SMOC2: variants seen among roughly 807,000 people sequenced by gnomAD.
The protein encoded by SMOC2 is SPARC related modular calcium binding 2.
Under a neutral mutation model 61.4 loss-of-function variants are expected in SMOC2, and 39 were observed. That is an observed-to-expected ratio of 0.64 (90% CI 0.49 to 0.83). SMOC2 has a LOEUF of 0.83. Ranked by LOEUF, SMOC2 falls within the 40% of genes least tolerant of loss-of-function variation. SMOC2 has a pLI of 0.00. For synonymous variants in SMOC2, 247 were observed against 239.9 expected, an observed-to-expected ratio of 1.03 and a Z score of -0.27; for missense variants, 556 against 592.9, an observed-to-expected ratio of 0.94 and a Z score of 0.65.
At position 168,553,763 on chromosome 6, in the gene SMOC2, G is replaced by A. The variant is rs563290380; in HGVS notation, c.637+4560G>A. 5.3e-5 allele frequency among the ~76,000 whole-genome samples: 8 copies of A among 152,342 alleles called. No individual in the cohort carries two copies. Among genetic ancestry groups the A allele is most frequent in the South Asian group, 2.1e-4 (1 of 4,830 alleles). On this transcript the variant is annotated intron_variant, in intron 7 of 12. Transcript: ENST00000356284. This position sits in a 1 kb window ranked among gnomAD's most constrained non-coding sequence, Gnocchi z 4.2. ...GCTCACGGGACGGTTTCTGTATCACGGTTGCCATTTGCCACCATTTGCCAT... is the reference window on the plus strand; with the variant it reads ...GCTCACGGGACGGTTTCTGTATCACAGTTGCCATTTGCCACCATTTGCCAT...
At chr6:168,661,146 A>T (rs771708849) in intron 11 of SMOC2, among the ~76,000 whole-genome samples, 1 of 151,950 alleles carries the variant, frequency 6.6e-6, no homozygotes, top group Non-Finnish European at 1.5e-5. Flanking sequence ...AAAATTCATT[A>T]TCAGTTATAT....
chr6:168,485,901 C>A (rs1173289707), intron 1 of SMOC2, among the ~76,000 whole-genome samples: 1 of 152,102 alleles, frequency 6.6e-6, no homozygotes, highest in Non-Finnish European at 1.5e-5. Flanking sequence ...ATGACTTCAT[C>A]AAATTCAAAA....
intron 11 of SMOC2, among the ~76,000 whole-genome samples, chr6:168,659,211 T>G (rs1583193890): frequency 6.6e-6 from 1 of 152,048 alleles, no homozygotes; most frequent in Non-Finnish European, 1.5e-5. Flanking sequence ...TGATAAGAAT[T>G]TTGAGGTGTC....
intron 11 of SMOC2, among the ~76,000 whole-genome samples, chr6:168,659,676 G>T (rs1205488268): frequency 1.3e-5 from 2 of 149,140 alleles, no homozygotes. Flanking sequence ...CTGGGTGAGG[G>T]TGGAGGTTGT....
At chr6:168,485,698 T>C (rs1398610746) in intron 1 of SMOC2, among the ~76,000 whole-genome samples, 1 of 152,140 alleles carries the variant, frequency 6.6e-6, no homozygotes, top group Non-Finnish European at 1.5e-5. Context: ...TGACTGCTAA[T>C]AGCTATGTTT....
rs116696535 is a variant in SMOC2, at chr6:168,511,066, A to T, written c.256+980A>T. Among the ~76,000 whole-genome samples the T allele has an allele frequency of 5.6e-3, 859 of 152,292 alleles. 12 individuals are homozygous for T. Among genetic ancestry groups the T allele is most frequent in the African/African-American group, 0.019 (807 of 41,572 alleles). ...ATTGGCATTGCGATCAAGTAGGGGAAATGACTGATGTTCAGTAATGATGCT... is the reference window on the plus strand; with the variant it reads ...ATTGGCATTGCGATCAAGTAGGGGATATGACTGATGTTCAGTAATGATGCT... On this transcript the variant is annotated intron_variant, in intron 2 of 12. Coordinates refer to ENST00000356284, the MANE Select transcript of SMOC2 (RefSeq NM_001166412.2).
intron 2 of SMOC2, among the ~76,000 whole-genome samples, chr6:168,525,296 G>T (rs1389704022): frequency 1.3e-5 from 2 of 152,160 alleles, no homozygotes; most frequent in African/African-American, 2.4e-5. Flanking sequence ...TTTCCCCCTG[G>T]GGGCACTGAA....
chr6:168,456,418 C>T (rs1340065050), intron 1 of SMOC2, among the ~76,000 whole-genome samples: 2 of 152,114 alleles, frequency 1.3e-5, no homozygotes, highest in African/African-American at 2.4e-5. Flanking sequence ...GGTCAGGCTG[C>T]ATTGAAGCAG....
chr6:168,647,083 G>A (rs1050493243), intron 9 of SMOC2, among the ~76,000 whole-genome samples: 4 of 152,244 alleles, frequency 2.6e-5, no homozygotes, highest in East Asian at 1.9e-4. Flanking sequence ...AGGTGGGAGT[G>A]TGTATGGGGT....
chr6:168,448,505 GTGAGGATGGTGATGGGGAGGAGGA>G (rs1441825632), intron 1 of SMOC2, among the ~76,000 whole-genome samples: 3 of 145,776 alleles, frequency 2.1e-5, no homozygotes, highest in African/African-American at 7.7e-5. Flanking sequence ...GACGGGGATG[GTGAGGATGGTGATGGGGAGGAGGA>G]TGAGGATGGG....
At chr6:168,518,144 G>C (rs1459509648) in intron 2 of SMOC2, among the ~76,000 whole-genome samples, 1 of 152,210 alleles carries the variant, frequency 6.6e-6, no homozygotes, top group African/African-American at 2.4e-5. Flanking sequence ...CGGGAGTCGC[G>C]ACGTCCCCAT....
chr6:168,592,079 A>G (rs1055093455), intron 7 of SMOC2, among the ~76,000 whole-genome samples: 14 of 152,176 alleles, frequency 9.2e-5, no homozygotes, highest in East Asian at 3.8e-4. Context: ...CTGTCTTGAC[A>G]TTTCCACCTT....
chr6:168,596,280 T>C (rs55768299), intron 7 of SMOC2, among the ~76,000 whole-genome samples: 1,865 of 73,882 alleles, frequency 0.025, no homozygotes, highest in South Asian at 0.043. Context: ...ACAGGTGCCA[T>C]GTGAACACGG....
chr6:168,658,084 G>A (rs544152943), intron 11 of SMOC2, among the ~76,000 whole-genome samples: 2 of 152,298 alleles, frequency 1.3e-5, no homozygotes, highest in South Asian at 2.1e-4. Flanking sequence ...CACATGGGAG[G>A]CCTGGGGGAC....
chr6:168,504,336 C>G (rs556814073), intron 1 of SMOC2, among the ~76,000 whole-genome samples: 1 of 150,296 alleles, frequency 6.7e-6, no homozygotes, highest in Non-Finnish European at 1.5e-5. Flanking sequence ...ATGTGCAACT[C>G]GCCATAGTGT....
At chr6:168,599,598 C>CCCCCACACACCCACACATAA (rs1562373091) in intron 8 of SMOC2, among the ~76,000 whole-genome samples, 1 of 133,506 alleles carries the variant, frequency 7.5e-6, no homozygotes, top group Non-Finnish European at 1.6e-5. Context: ...CCCACACATA[C>CCCCCACACACCCACACATAA]CCCCACACAC....
intron 9 of SMOC2, among the ~76,000 whole-genome samples, chr6:168,613,972 G>A (rs1267257282): frequency 1.0e-4 from 5 of 47,882 alleles, no homozygotes; most frequent in African/African-American, 2.7e-4. Context: ...CAGCACAGGG[G>A]GCCTCTTCAC....
At position 168,509,850 on chromosome 6, in the gene SMOC2, C is replaced by A. The variant is rs187324885; in HGVS notation, c.85-65C>A. 3.9e-4 allele frequency: 588 copies of A among 1,499,700 alleles called. 6 individuals are homozygous for A. The highest frequency in any genetic ancestry group is 3.6e-3 in the South Asian group (273 of 75,406). 92.9% of individuals were successfully genotyped at this position (1,499,700 alleles called of 1,614,324 possible). A position where few individuals can be genotyped will look rare whatever the true frequency, so the allele number is the denominator to read the frequency against. ...CCGTGAAGTGGCCTGAGGCAGCCTT[C>A]TGTTTTCTGCTGCTCTGAAGAATGT... On this transcript the variant is annotated intron_variant, in intron 1 of 12. Transcript: ENST00000356284.
chr6:168,456,079 G>A (rs1286227564), intron 1 of SMOC2, among the ~76,000 whole-genome samples: 4 of 152,262 alleles, frequency 2.6e-5, no homozygotes, highest in Non-Finnish European at 5.9e-5. Flanking sequence ...CGGAGTGGGC[G>A]TGGGGGCACG....
Sources: allele counts gnomAD v4.1 joint callset (sites outside exome capture counted in the v4.1 genomes callset), GRCh38; gene constraint gnomAD v4.1.1; non-coding constraint Gnocchi (gnomAD v3.1); transcripts MANE v1.5; gene names NCBI Gene and HGNC (gene_info 2026-07-23, HGNC 2026-07-21).